GAB2: variants seen among roughly 807,000 people sequenced by gnomAD.
The protein encoded by GAB2 is GRB2-associated-binding protein 2.
In GAB2, 26 loss-of-function variants were observed where a neutral mutation model predicts 65.5. The observed-to-expected ratio is 0.40, with a 90% CI of 0.29 to 0.55. The LOEUF is 0.55. GAB2 is among the 20% of genes least tolerant of loss of function. The pLI is 0.53. For synonymous variants in GAB2, 321 were observed against 329.6 expected (o/e 0.97, Z 0.28); for missense variants, 884 against 875.8 (o/e 1.01, Z -0.12).
chr11:78,369,339 T>G (rs1856538818), intron 1 of GAB2, among the ~76,000 whole-genome samples: 2 of 152,218 alleles, frequency 1.3e-5, no homozygotes, highest in South Asian at 4.1e-4. Flanking sequence ...GATCAATCAG[T>G]GCCTCTACTG....
At chr11:78,266,649 A>G (rs375384026) in intron 2 of GAB2, among the ~76,000 whole-genome samples, 2 of 152,244 alleles carry the variant, frequency 1.3e-5, no homozygotes, top group African/African-American at 4.8e-5. Flanking sequence ...GGCACGGTTC[A>G]GTTAAAAGCA....
chr11:78,416,798 A>G (rs982560579), intron 1 of GAB2, among the ~76,000 whole-genome samples: 3 of 145,100 alleles, frequency 2.1e-5, no homozygotes, highest in African/African-American at 7.7e-5. Context: ...AAAAAAAAAA[A>G]GCCAGAACTC....
intron 1 of GAB2, among the ~76,000 whole-genome samples, chr11:78,366,762 G>A (rs1856503901): frequency 2.0e-5 from 3 of 148,124 alleles, no homozygotes; most frequent in Non-Finnish European, 4.5e-5. Flanking sequence ...TCCCCATCCA[G>A]ACTATGATGG....
chr11:78,274,766 C>T (rs1392307265), intron 2 of GAB2, among the ~76,000 whole-genome samples: 1 of 152,170 alleles, frequency 6.6e-6, no homozygotes. Flanking sequence ...CCTCAGCCTG[C>T]CATAGGGACC....
intron 2 of GAB2, among the ~76,000 whole-genome samples, chr11:78,256,041 T>A (rs1865587089): frequency 6.6e-6 from 1 of 152,166 alleles, no homozygotes; most frequent in African/African-American, 2.4e-5. Flanking sequence ...CTAGGATAAC[T>A]TGCCCTGCAG....
At chr11:78,361,982 C>G (rs935509261) in intron 1 of GAB2, among the ~76,000 whole-genome samples, 1 of 151,782 alleles carries the variant, frequency 6.6e-6, no homozygotes, top group South Asian at 2.1e-4. Flanking sequence ...TATGCCTTCA[C>G]CAATTGATGT....
intron 1 of GAB2, among the ~76,000 whole-genome samples, chr11:78,343,827 T>C (rs1856139642): frequency 6.6e-6 from 1 of 152,220 alleles, no homozygotes; most frequent in Admixed American, 6.5e-5. Context: ...ATAGTATACA[T>C]ATTTATCTTT....
At chr11:78,262,766 T>C (rs528520711) in intron 2 of GAB2, among the ~76,000 whole-genome samples, 1 of 152,320 alleles carries the variant, frequency 6.6e-6, no homozygotes, top group East Asian at 1.9e-4. Context: ...TTAACACCAC[T>C]GGGAAGGCCA....
intron 1 of GAB2, among the ~76,000 whole-genome samples, chr11:78,331,249 T>C (rs1287030241): frequency 2.4e-5 from 2 of 82,436 alleles, no homozygotes; most frequent in East Asian, 1.2e-3. Context: ...TTCTCCATTC[T>C]TTTTTTTTTT....
chr11:78,304,557 T>C (rs1855308604), intron 1 of GAB2, among the ~76,000 whole-genome samples: 1 of 152,218 alleles, frequency 6.6e-6, no homozygotes, highest in African/African-American at 2.4e-5. Context: ...ATATTTTTCC[T>C]GAAGTTTCTT....
chr11:78,215,617 A>ATAATTCTAGATTTCAAGACACAAG lies in GAB2; in HGVS notation c.*3631_*3654dup, dbSNP rs1491209585. ...ACAAACAGTGACAATTCTGCGTGAA[A>ATAATTCTAGATTTCAAGACACAAG]TAATTCTAGATTTCAAGACACAAGT... On this transcript the variant is annotated 3_prime_UTR_variant, in exon 10 of 10. Coordinates refer to ENST00000361507, the MANE Select transcript of GAB2 (RefSeq NM_080491.3). 6.6e-6 allele frequency: 1 copy of ATAATTCTAGATTTCAAGACACAAG among 152,262 alleles called. No homozygotes were observed. 9.4% of individuals were successfully genotyped at this position (152,262 alleles called of 1,614,324 possible).
At chr11:78,240,125 C>T (rs1029050303) in intron 3 of GAB2, among the ~76,000 whole-genome samples, 2 of 152,106 alleles carry the variant, frequency 1.3e-5, no homozygotes, top group African/African-American at 2.4e-5. Context: ...CTTGGCTGCT[C>T]AGAACAGTCA....
At chr11:78,344,682 C>G (rs1237599283) in intron 1 of GAB2, among the ~76,000 whole-genome samples, 2 of 151,996 alleles carry the variant, frequency 1.3e-5, no homozygotes, top group African/African-American at 4.8e-5. Flanking sequence ...AAATGTTATT[C>G]ATCTACACAG....
intron 3 of GAB2, among the ~76,000 whole-genome samples, chr11:78,248,515 C>T (rs1418622133): frequency 1.3e-5 from 2 of 152,228 alleles, no homozygotes; most frequent in Non-Finnish European, 1.5e-5. Context: ...CAAGGCACTA[C>T]AGCTAAGTAC....
intron 2 of GAB2, among the ~76,000 whole-genome samples, chr11:78,265,440 C>T (rs1368396815): frequency 6.6e-6 from 1 of 152,082 alleles, no homozygotes; most frequent in Non-Finnish European, 1.5e-5. Flanking sequence ...GCTTTGAGAT[C>T]TCGTATTCTA....
Position 78,417,705 on chromosome 11 carries a change from C to T in GAB2, c.16G>A (p.Asp6Asn). MSGGG[D>N]VVCTGWLRKS... ...CTCAGCCAGCCGGTGCACACCACGT[C>T]GCCGCCGCCGCTCATGCTGCCGGCC... Residue 6 changes from aspartate (D) to asparagine (N), a missense_variant, in exon 1 of 10, where the codon GAC becomes AAC. Transcript: ENST00000361507. 3 of 1,341,082 alleles carry T rather than the reference C, an allele frequency of 2.2e-6. No individual in the cohort carries two copies. Among genetic ancestry groups the T allele is most frequent in the Non-Finnish European group, 2.9e-6 (3 of 1,020,006 alleles). The allele number at this position is 1,341,082 out of a possible 1,614,324, so 83.1% of individuals were successfully genotyped here.
chr11:78,262,893 T>C (rs536419880), intron 2 of GAB2, among the ~76,000 whole-genome samples: 1 of 152,232 alleles, frequency 6.6e-6, no homozygotes, highest in Admixed American at 6.5e-5. Context: ...ACATTACATC[T>C]GGTCTGTTTC....
At chr11:78,337,561 G>A (rs955627165) in intron 1 of GAB2, among the ~76,000 whole-genome samples, 1 of 152,182 alleles carries the variant, frequency 6.6e-6, no homozygotes, top group Admixed American at 6.5e-5. Context: ...GGTGGAAGTT[G>A]GAGAAAGAAT....
At chr11:78,411,010 A>C (rs984834534) in intron 1 of GAB2, among the ~76,000 whole-genome samples, 13 of 151,996 alleles carry the variant, frequency 8.6e-5, no homozygotes, top group Non-Finnish European at 1.9e-4. Context: ...AAAATTAGCC[A>C]GGCACAGCAG....
Sources: gnomAD v4.1 joint callset for allele counts (sites outside exome capture counted in the v4.1 genomes callset) on GRCh38, gnomAD v4.1.1 for gene constraint, MANE v1.5 for transcripts, NCBI Gene and HGNC (gene_info 2026-07-23, HGNC 2026-07-21) for gene names.